The following DCDC2 variants were observed in gnomAD, a reference collection of about 807,000 sequenced individuals.
The protein encoded by DCDC2 is doublecortin domain-containing protein 2.
DCDC2 carries 40 observed loss-of-function variants against 50.2 expected under a neutral mutation model. That is an observed-to-expected ratio of 0.80 (90% CI 0.62 to 1.04). The LOEUF is 1.04. Ranked by LOEUF, DCDC2 falls within the 50% of genes least tolerant of loss-of-function variation. The pLI is 0.00. For missense variants in DCDC2, 570 were observed against 581.9 expected (o/e 0.98, Z 0.21); for synonymous variants, 234 against 210.6 (o/e 1.11, Z -0.96).
chr6:24,218,209 C>T (rs544209521), intron 7 of DCDC2, among the ~76,000 whole-genome samples: 2 of 152,168 alleles, frequency 1.3e-5, no homozygotes, highest in Non-Finnish European at 2.9e-5. Flanking sequence ...AAAGAGATCT[C>T]AGTAGCCTCA....
intron 7 of DCDC2, among the ~76,000 whole-genome samples, chr6:24,240,699 T>C (rs938154306): frequency 3.3e-5 from 5 of 152,252 alleles, no homozygotes; most frequent in Admixed American, 1.3e-4. Context: ...ACACATTTAA[T>C]AGCATCACGC....
At chr6:24,223,132 T>G (rs1022881485) in intron 7 of DCDC2, among the ~76,000 whole-genome samples, 1 of 152,212 alleles carries the variant, frequency 6.6e-6, no homozygotes, top group African/African-American at 2.4e-5. Flanking sequence ...AAAAAGCTAT[T>G]AAGATGAAGC....
intron 8 of DCDC2, among the ~76,000 whole-genome samples, chr6:24,178,940 G>A (rs1760987506): frequency 6.6e-6 from 1 of 152,110 alleles, no homozygotes; most frequent in South Asian, 2.1e-4. Context: ...AACTAGGCCT[G>A]TGACTCCAGA....
intron 7 of DCDC2, among the ~76,000 whole-genome samples, chr6:24,220,896 G>A (rs968220237): frequency 2.1e-5 from 3 of 146,178 alleles, no homozygotes; most frequent in African/African-American, 8.0e-5. Context: ...GAGAGTGAGC[G>A]AGCGAGCGAG....
chr6:24,305,009 G>C (rs1298193855), intron 2 of DCDC2, among the ~76,000 whole-genome samples: 1 of 152,156 alleles, frequency 6.6e-6, no homozygotes, highest in Non-Finnish European at 1.5e-5. Flanking sequence ...ACCCATTCTT[G>C]ATGGTTTAAA....
the DCDC2 span, among the ~76,000 whole-genome samples, chr6:24,364,247 A>G: frequency 6.6e-6 from 1 of 152,148 alleles, no homozygotes; most frequent in Non-Finnish European, 1.5e-5. Flanking sequence ...ATCAATTATA[A>G]GTATAAATTT....
chr6:24,353,685 T>C, intron 1 of DCDC2, 62 bp from the exon 2 acceptor site: 1 of 1,076,400 alleles, frequency 9.3e-7, no homozygotes, highest in Non-Finnish European at 1.3e-6. Context: ...AGTAATTTAT[T>C]TTTAAAAATC....
At chr6:24,292,113 T>C (rs1763765485) in intron 4 of DCDC2, among the ~76,000 whole-genome samples, 2 of 152,162 alleles carry the variant, frequency 1.3e-5, no homozygotes, top group Admixed American at 1.3e-4. Context: ...CTACAATTAA[T>C]ATGTTACTTA....
intron 2 of DCDC2, among the ~76,000 whole-genome samples, chr6:24,325,132 A>T (rs1195846000): frequency 6.7e-6 from 1 of 150,176 alleles, no homozygotes; most frequent in Non-Finnish European, 1.5e-5. Context: ...CCAAAACCAG[A>T]ATCTCCAGAG....
chr6:24,290,326 T>G (rs927394004), intron 5 of DCDC2, among the ~76,000 whole-genome samples: 12 of 152,122 alleles, frequency 7.9e-5, no homozygotes, highest in Non-Finnish European at 1.6e-4. Context: ...GCAGTGTATC[T>G]CCTAGGCTGA....
At chr6:24,222,255 C>A (rs1762136366) in intron 7 of DCDC2, among the ~76,000 whole-genome samples, 1 of 152,102 alleles carries the variant, frequency 6.6e-6, no homozygotes, top group African/African-American at 2.4e-5. Flanking sequence ...TTGAGTCTAG[C>A]GGGCGCCTTG....
intron 7 of DCDC2, among the ~76,000 whole-genome samples, chr6:24,237,405 A>G (rs1762468629): frequency 6.6e-6 from 1 of 152,206 alleles, no homozygotes; most frequent in South Asian, 2.1e-4. Flanking sequence ...TTGCAAAAAC[A>G]AAAGTCAAAA....
intron 7 of DCDC2, among the ~76,000 whole-genome samples, chr6:24,212,066 C>G (rs984431610): frequency 6.6e-6 from 1 of 152,074 alleles, no homozygotes. Flanking sequence ...AGATCAGCAG[C>G]AGCATTAGAT....
chr6:24,271,717 A>C (rs1763242650), intron 7 of DCDC2, among the ~76,000 whole-genome samples: 1 of 152,182 alleles, frequency 6.6e-6, no homozygotes, highest in Non-Finnish European at 1.5e-5. Flanking sequence ...ACCATTGTAC[A>C]CAGTGGGCAA....
intron 4 of DCDC2, among the ~76,000 whole-genome samples, chr6:24,292,723 T>C (rs1763777919): frequency 6.6e-6 from 1 of 152,234 alleles, no homozygotes; most frequent in South Asian, 2.1e-4. Flanking sequence ...GACCAGGGTT[T>C]CTGAATACTG....
chr6:24,380,859 C>T, the DCDC2 span, among the ~76,000 whole-genome samples: 1 of 151,906 alleles, frequency 6.6e-6, no homozygotes, highest in Non-Finnish European at 1.5e-5. Flanking sequence ...TGTGGGAGGC[C>T]CAGGGCTTGA....
chr6:24,362,346 G>GTATGTTT (rs1561790878), upstream of DCDC2, among the ~76,000 whole-genome samples: 21 of 82,540 alleles, frequency 2.5e-4, no homozygotes, highest in African/African-American at 6.9e-4. Flanking sequence ...ATTGTATGTT[G>GTATGTTT]ATACAATTAT....
intron 2 of DCDC2, among the ~76,000 whole-genome samples, chr6:24,344,880 GCTT>G (rs748168368): frequency 2.7e-4 from 41 of 152,190 alleles, no homozygotes; most frequent in Non-Finnish European, 5.0e-4. Flanking sequence ...TTAAAAGAAT[GCTT>G]CTTAAGTAGC....
chr6:24,207,016 G>C (rs1367350759), intron 7 of DCDC2, among the ~76,000 whole-genome samples: 1 of 152,052 alleles, frequency 6.6e-6, no homozygotes. Flanking sequence ...AGCTAGAAAG[G>C]CCTTTGTGAT....
Sources: allele counts gnomAD v4.1 joint callset (sites outside exome capture counted in the v4.1 genomes callset), GRCh38; gene constraint gnomAD v4.1.1; transcripts MANE v1.5; gene names NCBI Gene and HGNC (gene_info 2026-07-23, HGNC 2026-07-21).